INTS6: variants seen among roughly 807,000 people sequenced by gnomAD.
INTS6 encodes the protein DEAD box protein.
In INTS6, 16 loss-of-function variants were observed where a neutral mutation model predicts 104.9. That is an observed-to-expected ratio of 0.15 (90% CI 0.10 to 0.23). The LOEUF (loss-of-function observed/expected upper bound fraction) is 0.23. INTS6 is among the 10% of genes least tolerant of loss of function. The probability of loss-of-function intolerance (pLI) is 1.00; values close to 1 mark genes in which losing one functional copy is unlikely to be tolerated. For synonymous variants in INTS6, 324 were observed against 358.7 expected, an observed-to-expected ratio of 0.90 and a Z score of 1.09; for missense variants, 584 against 1,062.8, an observed-to-expected ratio of 0.55 and a Z score of 6.26.
At chr13:51,384,546 T>C in intron 7 of INTS6, 1 of 444,530 alleles carries the variant, frequency 2.2e-6, no homozygotes, top group Non-Finnish European at 4.5e-6. Context: ...CTCTGCTGTA[T>C]CTAACTACCC....
intron 4 of INTS6, among the ~76,000 whole-genome samples, chr13:51,426,342 T>C (rs1443834605): frequency 6.6e-6 from 1 of 152,068 alleles, no homozygotes; most frequent in Non-Finnish European, 1.5e-5. Flanking sequence ...ACCACATTTT[T>C]CCTGCCGCTA....
At chr13:51,356,891 G>A (rs1394387828), downstream of INTS6, among the ~76,000 whole-genome samples, 1 of 151,788 alleles carries the variant, frequency 6.6e-6, no homozygotes, top group Non-Finnish European at 1.5e-5. Context: ...ATTATCATGT[G>A]CCAAGTATGA....
Position 51,417,989 on chromosome 13 carries a change from G to A in INTS6, c.429+12305C>T, listed in dbSNP as rs147718956. On this transcript the variant is annotated intron_variant, in intron 4 of 17. Coordinates refer to ENST00000311234, the MANE Select transcript of INTS6 (RefSeq NM_012141.3). Reference sequence around the variant, plus strand: ...AGTCAAGTCCTAGCTCTGCCTCTTAGGTAGAAATCAGCCTTACTAAGACAT... The same window carrying A: ...AGTCAAGTCCTAGCTCTGCCTCTTAAGTAGAAATCAGCCTTACTAAGACAT... Among the ~76,000 whole-genome samples, 99 of 152,272 alleles carry A rather than the reference G, an allele frequency of 6.5e-4. No individual in the cohort carries two copies. The East Asian group carries it at 0.015, about 23-fold the overall frequency.
chr13:51,368,788 G>T, intron 16 of INTS6, 151 bp downstream of exon 16: 1 of 797,178 alleles, frequency 1.3e-6, no homozygotes, highest in Non-Finnish European at 1.9e-6. Context: ...GTGTTGGTCA[G>T]ATGAATAAAG....
At chr13:51,421,788 G>A (rs554478670) in intron 4 of INTS6, among the ~76,000 whole-genome samples, 5 of 152,162 alleles carry the variant, frequency 3.3e-5, no homozygotes, top group African/African-American at 7.2e-5. Context: ...ACAGAAAAGT[G>A]CCAATCTATT....
In INTS6 at chr13:51,362,005, T is replaced by C. The variant is rs761838499; in HGVS notation, c.*3747A>G. 1 of 1,609,380 alleles carries C rather than the reference T, an allele frequency of 6.2e-7. No homozygotes were observed. Among genetic ancestry groups the C allele is most frequent in the African/African-American group, 1.3e-5 (1 of 74,614 alleles). The stretch of plus-strand genomic sequence containing the variant: ...AATAAGCATTCTTTCTAGCTGTTTT[T>C]ATGGTGCTTCAGAAGCTACCCAGTT... On this transcript the variant is annotated 3_prime_UTR_variant, in exon 18 of 18. Transcript: ENST00000311234.
chr13:51,374,114 A>C, intron 15 of INTS6, 94 bp downstream of exon 15: 1 of 934,892 alleles, frequency 1.1e-6, no homozygotes, highest in Non-Finnish European at 1.7e-6. Context: ...TTGTACTACT[A>C]ATCAATTTCC....
chr13:51,449,396 G>C, intron 3 of INTS6: 1 of 860,070 alleles, frequency 1.2e-6, no homozygotes, highest in Non-Finnish European at 1.4e-6. Flanking sequence ...TCTGGGGGCA[G>C]ATATCAACTG....
chr13:51,385,786 C>T (rs897069700), intron 7 of INTS6, among the ~76,000 whole-genome samples: 5 of 152,050 alleles, frequency 3.3e-5, no homozygotes, highest in African/African-American at 7.2e-5. Context: ...ATTTATTATT[C>T]TCTCTTCCAT....
At chr13:51,423,348 G>C (rs889548704) in intron 4 of INTS6, among the ~76,000 whole-genome samples, 1 of 145,952 alleles carries the variant, frequency 6.9e-6, no homozygotes, top group African/African-American at 2.4e-5. Context: ...GTGTGCATGT[G>C]TGTGTGTATA....
chr13:51,414,794 G>A lies in INTS6; in HGVS notation c.429+15500C>T, dbSNP rs571424531. Among the ~76,000 whole-genome samples, 35 of 149,740 alleles carry A rather than the reference G, an allele frequency of 2.3e-4. No individual in the cohort carries two copies. In the East Asian group the frequency reaches 4.7e-3, roughly 20 times the overall value. ...ATCAGGCCTTTATAGATTCATTTCC[G>A]TTTCTTCCTTCTATATATGTATGTA... On this transcript the variant is annotated intron_variant, in intron 4 of 17. Transcript: ENST00000311234.
At chr13:51,377,490 C>T (rs552564253) in intron 12 of INTS6, among the ~76,000 whole-genome samples, 8 of 152,162 alleles carry the variant, frequency 5.3e-5, no homozygotes, top group South Asian at 4.1e-4. Context: ...TTTAAGATCA[C>T]GACCACTTCA....
At chr13:51,375,410 T>C (rs1955900676) in intron 13 of INTS6, among the ~76,000 whole-genome samples, 1 of 151,236 alleles carries the variant, frequency 6.6e-6, no homozygotes, top group Non-Finnish European at 1.5e-5. Flanking sequence ...TCTTCTCTTC[T>C]GCGCTATTCC....
intron 4 of INTS6, among the ~76,000 whole-genome samples, chr13:51,406,258 C>T (rs1474087205): frequency 6.6e-6 from 1 of 152,172 alleles, no homozygotes; most frequent in East Asian, 1.9e-4. Context: ...GAGCCTCTAT[C>T]TCTCTCTGAG....
chr13:51,403,148 T>G (rs1956470434), intron 4 of INTS6, among the ~76,000 whole-genome samples: 1 of 151,950 alleles, frequency 6.6e-6, no homozygotes, highest in African/African-American at 2.4e-5. Context: ...CAACAAACAG[T>G]AAAAAAAGAT....
chr13:51,428,486 A>G (rs546646715), intron 4 of INTS6, among the ~76,000 whole-genome samples: 1 of 151,458 alleles, frequency 6.6e-6, no homozygotes, highest in East Asian at 1.9e-4. Flanking sequence ...CACCACGCCC[A>G]GCTAATTTTT....
chr13:51,416,497 G>A lies in INTS6; in HGVS notation c.429+13797C>T, dbSNP rs115204698. Among the ~76,000 whole-genome samples, 1,337 of 152,234 alleles carry A rather than the reference G, an allele frequency of 8.8e-3. 20 individuals carry two copies. Among genetic ancestry groups the A allele is most frequent in the African/African-American group, 0.03 (1,237 of 41,528 alleles). On this transcript the variant is annotated intron_variant, in intron 4 of 17. Transcript: ENST00000311234. ...GGAAATTTGCATCAAGTAGCCTTTT[G>A]TGTCTGGCTTTCACTTAGTTTTCAA...
At chr13:51,341,119 C>A in the INTS6 span, 2 of 1,614,036 alleles carry the variant, frequency 1.2e-6, no homozygotes, top group Non-Finnish European at 1.7e-6. Flanking sequence ...CACCCTCTTC[C>A]TCTTTCACTC....
chr13:51,395,150 C>T, intron 5 of INTS6, 150 bp downstream of exon 5: 1 of 641,558 alleles, frequency 1.6e-6, no homozygotes, highest in Non-Finnish European at 2.5e-6. Context: ...AGACCATTAG[C>T]AATAAATGTA....
Sources: gnomAD v4.1 joint callset for allele counts (sites outside exome capture counted in the v4.1 genomes callset) on GRCh38, gnomAD v4.1.1 for gene constraint, MANE v1.5 for transcripts, NCBI Gene and HGNC (gene_info 2026-07-23, HGNC 2026-07-21) for gene names.